CHDH: variants seen among roughly 807,000 people sequenced by gnomAD.
CHDH encodes the protein choline dehydrogenase, also known as choline dehydrogenase, mitochondrial.
Under a neutral mutation model 56.9 loss-of-function variants are expected in CHDH, and 43 were observed. The ratio of observed to expected loss-of-function variants is 0.76; its 90% CI spans 0.59 to 0.97. The LOEUF (loss-of-function observed/expected upper bound fraction) is 0.97. Among genes scored for constraint, CHDH ranks in the 50% least tolerant of loss-of-function variants. The pLI is 0.00. For synonymous variants in CHDH, 364 were observed against 348.5 expected (o/e 1.04, Z -0.50); for missense variants, 816 against 821.1 (o/e 0.99, Z 0.08).
At chr3:53,818,331 A>C in intron 8 of CHDH, 136 bp from the exon 9 acceptor site, 1 of 772,972 alleles carries the variant, frequency 1.3e-6, no homozygotes. Context: ...GCCATGGGGG[A>C]CTGAGCCAGC....
intron 2 of CHDH, 54 bp from the exon 3 acceptor site, chr3:53,824,121 C>CGGAG: frequency 1.8e-6 from 2 of 1,085,396 alleles, no homozygotes; most frequent in Non-Finnish European, 2.5e-6. Context: ...CCAGGGTATG[C>CGGAG]TCACCAACGG....
At chr3:53,825,916 G>C (rs2095638216) in intron 2 of CHDH, among the ~76,000 whole-genome samples, 1 of 151,808 alleles carries the variant, frequency 6.6e-6, no homozygotes, top group Non-Finnish European at 1.5e-5. Flanking sequence ...ATAATGGAGT[G>C]ACAACTTTAA....
Position 53,816,131 on chromosome 3 carries a change from A to ACCCCCCCC in CHDH, c.*1645_*1646insGGGGGGGG, listed in dbSNP as rs202031062. 4.6e-5 allele frequency: 4 copies of ACCCCCCCC among 86,966 alleles called. No individual in the cohort carries two copies. The highest frequency in any genetic ancestry group is 2.8e-4 in the African/African-American group (4 of 14,280). The allele number at this position is 86,966 out of a possible 1,614,324, so 5.4% of individuals were successfully genotyped here. A position where few individuals can be genotyped will look rare whatever the true frequency, so the allele number is the denominator to read the frequency against. On this transcript the variant is annotated 3_prime_UTR_variant, in exon 9 of 9. Transcript: ENST00000315251. ...CAGAAAACTAACTTGTGGCTGTCGGACGCCCCCCCCCCCCGCCCCAGTCTG... is the reference window on the plus strand; with the variant it reads ...CAGAAAACTAACTTGTGGCTGTCGGACCCCCCCCCGCCCCCCCCCCCCGCCCCAGTCTG...
At chr3:53,839,947 T>C (rs1369674193) in intron 2 of CHDH, among the ~76,000 whole-genome samples, 1 of 152,108 alleles carries the variant, frequency 6.6e-6, no homozygotes, top group Non-Finnish European at 1.5e-5. Context: ...TTATGTTAAG[T>C]GAAATAAGCC....
rs2095629101 is a variant in CHDH, at chr3:53,822,503, G to A, written c.843C>T (p.Gly281=). ...GCAGTCCACTCACCCTGTGGCTCTG[G>A]CCATTCTTGACATACTCCACGCCCA... is the stretch of plus-strand genomic sequence containing the variant. The part of the protein sequence containing the change: ...RAVGVEYVKN[G]QSHRAYASKE... The change falls in exon 4 of 9, where the codon GGC becomes GGT. Residue 281 remains glycine, a synonymous_variant. Transcript: ENST00000315251. 2 of 1,611,182 alleles carry A rather than the reference G, an allele frequency of 1.2e-6. No homozygotes were observed. Among genetic ancestry groups the A allele is most frequent in the Middle Eastern group, 1.6e-4 (1 of 6,074 alleles).
At position 53,812,963 on chromosome 3, in the gene CHDH, TG is replaced by T. The variant is rs1345184891; in HGVS notation, c.*4813del. 1 of 152,206 alleles carries T rather than the reference TG, an allele frequency of 6.6e-6. No homozygotes were observed. Among genetic ancestry groups the T allele is most frequent in the African/African-American group, 2.4e-5 (1 of 41,450 alleles). 9.4% of individuals were successfully genotyped at this position (152,206 alleles called of 1,614,324 possible). On this transcript the variant is annotated 3_prime_UTR_variant, in exon 9 of 9. Coordinates refer to ENST00000315251, the MANE Select transcript of CHDH (RefSeq NM_018397.5). ...CTCACACTCTGACTGTACGTCCTGA[TG>T]AAAACCCACTTTTGGATAATTAGAA...
rs764336584 is a variant in CHDH at position 53,819,690 on chromosome 3, GGAT to G, written c.1121-19_1121-17del. ...GCTCCCTCCCCTGAGAAGCAGAAGA[GGAT>G]GAGGCAGAAGAGCCAGTCAGGCCGT... On this transcript the variant is annotated splice_polypyrimidine_tract_variant and intron_variant, in intron 6 of 8. Coordinates refer to ENST00000315251, the MANE Select transcript of CHDH (RefSeq NM_018397.5). The surrounding 1 kb of genome is among the most constrained non-coding windows in gnomAD (Gnocchi z 5.4). 6.3e-7 allele frequency: 1 copy of G among 1,577,232 alleles called. No homozygotes were observed. The highest frequency in any genetic ancestry group is 1.2e-5 in the South Asian group (1 of 85,460).
intron 2 of CHDH, among the ~76,000 whole-genome samples, chr3:53,825,399 G>C (rs753670432): frequency 1.3e-4 from 20 of 152,116 alleles, no homozygotes; most frequent in Non-Finnish European, 2.9e-4. Flanking sequence ...AAGGTGGACA[G>C]ATAGGAAACT....
intron 2 of CHDH, among the ~76,000 whole-genome samples, chr3:53,839,010 GC>G (rs895446379): frequency 6.6e-6 from 1 of 152,088 alleles, no homozygotes; most frequent in African/African-American, 2.4e-5. Flanking sequence ...GCCTCCTCAG[GC>G]TACCCCAGAA....
Position 53,834,493 on chromosome 3 carries a change from C to A in CHDH, c.-60+6436G>T, listed in dbSNP as rs12634827. ...AAGACTGCTATTGACAAGTTTGCTA[C>A]ATTTTGTGGTCAGAAAACGGATTGC... On this transcript the variant is annotated intron_variant, in intron 2 of 8. Transcript: ENST00000315251. Among the ~76,000 whole-genome samples, 83 of 152,308 alleles carry A rather than the reference C, an allele frequency of 5.4e-4. No homozygotes were observed. The East Asian group carries it at 0.016, about 29-fold the overall frequency.
At chr3:53,834,772 G>A (rs977065667) in intron 2 of CHDH, among the ~76,000 whole-genome samples, 22 of 152,220 alleles carry the variant, frequency 1.4e-4, no homozygotes, top group African/African-American at 5.1e-4. Context: ...ACATCTTGGT[G>A]TGCACACATG....
At chr3:53,821,825 T>C in intron 4 of CHDH, 49 bp from the exon 5 acceptor site, 1 of 1,605,534 alleles carries the variant, frequency 6.2e-7, no homozygotes, top group East Asian at 2.2e-5. Flanking sequence ...GCTGTTCTCC[T>C]GACTCACAGA....
chr3:53,818,237 C>A, intron 8 of CHDH, 42 bp from the exon 9 acceptor site: 1 of 1,516,732 alleles, frequency 6.6e-7, no homozygotes, highest in East Asian at 2.3e-5. Context: ...TCCTTTTGCC[C>A]GTGCTGGCCT....
chr3:53,826,179 C>A (rs913439134), intron 2 of CHDH, among the ~76,000 whole-genome samples: 14 of 152,208 alleles, frequency 9.2e-5, no homozygotes, highest in African/African-American at 2.9e-4. Flanking sequence ...CTGGTGATTT[C>A]TATCAACCAT....
intron 2 of CHDH, 111 bp from the exon 3 acceptor site, chr3:53,824,178 AAGGAACT>A (rs1203453803): frequency 1.7e-6 from 1 of 588,566 alleles, no homozygotes; most frequent in Non-Finnish European, 2.8e-6. Flanking sequence ...TGGCTGCTCA[AAGGAACT>A]AGGAGGAGGA....
At position 53,820,608 on chromosome 3, in the gene CHDH, C is replaced by G. The variant is rs1373013854; in HGVS notation, c.986G>C (p.Gly329Ala). 3.7e-6 allele frequency: 6 copies of G among 1,610,586 alleles called. No individual in the cohort carries two copies. Among genetic ancestry groups the G allele is most frequent in the Non-Finnish European group, 5.1e-6 (6 of 1,178,472 alleles). ...LGIPVVCHLP[G>A]VGQNLQDHLE... ...GTGGTCTTGCAGGTTCTGGCCAACCCCTGATACGGGAAGGAGTGGTTTAGA... is the reference window on the plus strand; with the variant it reads ...GTGGTCTTGCAGGTTCTGGCCAACCGCTGATACGGGAAGGAGTGGTTTAGA... The change falls in exon 6 of 9, where the codon GGG becomes GCG. Residue 329 changes from glycine (G) to alanine (A), a missense_variant and splice_region_variant. Coordinates refer to ENST00000315251, the MANE Select transcript of CHDH (RefSeq NM_018397.5).
rs2095617759 is a variant in CHDH at position 53,817,433 on chromosome 3, C to T, written c.*344G>A. 3.8e-6 allele frequency: 1 copy of T among 261,470 alleles called. No individual in the cohort carries two copies. The highest frequency in any genetic ancestry group is 8.4e-5 in the South Asian group (1 of 11,930). 16.2% of individuals were successfully genotyped at this position (261,470 alleles called of 1,614,324 possible). ...CTGTGCATGGCCTGGGAAGGAACCA[C>T]TGCCCTGGGTTAGAGAATGCCACGT... On this transcript the variant is annotated 3_prime_UTR_variant, in exon 9 of 9. Transcript: ENST00000315251.
chr3:53,830,317 A>G (rs1698294665), intron 2 of CHDH, among the ~76,000 whole-genome samples: 1 of 152,074 alleles, frequency 6.6e-6, no homozygotes, highest in South Asian at 2.1e-4. Flanking sequence ...AAGGACACAT[A>G]GCACCTCACA....
chr3:53,830,711 C>T (rs1025863879), intron 2 of CHDH, among the ~76,000 whole-genome samples: 2 of 152,070 alleles, frequency 1.3e-5, no homozygotes, highest in African/African-American at 4.8e-5. Flanking sequence ...TTTCCAAGTG[C>T]ACATGGAACA....
Sources: gnomAD v4.1 joint callset for allele counts (sites outside exome capture counted in the v4.1 genomes callset) on GRCh38, gnomAD v4.1.1 for gene constraint, Gnocchi (gnomAD v3.1) non-coding constraint, MANE v1.5 for transcripts, NCBI Gene and HGNC (gene_info 2026-07-23, HGNC 2026-07-21) for gene names.